RAPGEF1: variants seen among roughly 807,000 people sequenced by gnomAD.
RAPGEF1 encodes the protein Rap guanine nucleotide exchange factor 1.
In RAPGEF1, 33 loss-of-function variants were observed where a neutral mutation model predicts 143.3. The ratio of observed to expected loss-of-function variants is 0.23; its 90% CI spans 0.17 to 0.31. The LOEUF (loss-of-function observed/expected upper bound fraction) is 0.31, where lower values mean the gene tolerates loss of function less well. RAPGEF1 is among the 10% of genes least tolerant of loss of function. RAPGEF1 has a pLI of 1.00. For missense variants in RAPGEF1, 1,199 were observed against 1,645.4 expected (o/e 0.73, Z 4.69); for synonymous variants, 629 against 676.5 (o/e 0.93, Z 1.09).
intron 4 of RAPGEF1, among the ~76,000 whole-genome samples, chr9:131,642,262 C>A (rs1015967797): frequency 1.3e-5 from 2 of 152,238 alleles, no homozygotes; most frequent in East Asian, 1.9e-4. Flanking sequence ...GGCTCCATGT[C>A]CCCTGCAGCG....
At chr9:131,737,470 A>T in intron 1 of RAPGEF1, 1 of 1,613,822 alleles carries the variant, frequency 6.2e-7, no homozygotes, top group Non-Finnish European at 8.5e-7. Flanking sequence ...GTGCTAGGTT[A>T]GACAAGCTTC....
At chr9:131,676,924 CA>C (rs1377160046) in intron 1 of RAPGEF1, among the ~76,000 whole-genome samples, 2 of 146,370 alleles carry the variant, frequency 1.4e-5, no homozygotes, top group African/African-American at 5.1e-5. Flanking sequence ...CAGAAGCAGA[CA>C]CTCTGGGGGT....
intron 12 of RAPGEF1, among the ~76,000 whole-genome samples, chr9:131,609,338 T>C (rs1001941582): frequency 2.0e-5 from 3 of 152,182 alleles, no homozygotes; most frequent in Admixed American, 6.5e-5. Flanking sequence ...ACGTGCCTAA[T>C]AACACAGCTG....
At chr9:131,669,637 C>T (rs1831027490) in intron 1 of RAPGEF1, among the ~76,000 whole-genome samples, 1 of 152,134 alleles carries the variant, frequency 6.6e-6, no homozygotes, top group African/African-American at 2.4e-5. Flanking sequence ...CTTTCTCCTC[C>T]TCATGTTCTG....
At chr9:131,643,815 CA>C (rs1968752901) in intron 3 of RAPGEF1, among the ~76,000 whole-genome samples, 1 of 152,162 alleles carries the variant, frequency 6.6e-6, no homozygotes, top group Non-Finnish European at 1.5e-5. Flanking sequence ...TCCTGTAAAT[CA>C]CATCAAGAAG....
intron 22 of RAPGEF1, 91 bp downstream of exon 22, chr9:131,587,645 A>G (rs1462231767): frequency 8.5e-7 from 1 of 1,182,114 alleles, no homozygotes; most frequent in Non-Finnish European, 1.2e-6. Flanking sequence ...TCCTTCTCCT[A>G]CCATTCAAGC....
rs1365455017 is a variant in RAPGEF1, at chr9:131,584,679, A to G, written c.3234-83T>C. 2.9e-6 allele frequency: 4 copies of G among 1,402,408 alleles called. No homozygotes were observed. In the African/African-American group the frequency reaches 5.7e-5, roughly 20 times the overall value. The allele number at this position is 1,402,408 out of a possible 1,614,324, so 86.9% of individuals were successfully genotyped here. Reference sequence around the variant, plus strand: ...GGGTCCTGGTGGAGACAGGACCTGTACGACCCCCATGCCAGTGGCCACGAG... The same window carrying G: ...GGGTCCTGGTGGAGACAGGACCTGTGCGACCCCCATGCCAGTGGCCACGAG... On this transcript the variant is annotated intron_variant, in intron 22 of 26. Transcript: ENST00000683357. This position sits in a 1 kb window ranked among gnomAD's most constrained non-coding sequence, Gnocchi z 6.8.
rs1951293651 is a variant in RAPGEF1 at position 131,576,996 on chromosome 9, C to T, written c.*2501G>A. 6.6e-6 allele frequency: 1 copy of T among 151,836 alleles called. No homozygotes were observed. Among genetic ancestry groups the T allele is most frequent in the Non-Finnish European group, 1.5e-5 (1 of 67,938 alleles). 9.4% of individuals were successfully genotyped at this position (151,836 alleles called of 1,614,324 possible). A position where few individuals can be genotyped will look rare whatever the true frequency, so the allele number is the denominator to read the frequency against. ...TCCTTGCCCCCCCACACCCCGACAC[C>T]TGCAGGTGAGGACTGACCTCTGCAA... On this transcript the variant is annotated 3_prime_UTR_variant, in exon 27 of 27. Transcript: ENST00000683357.
In RAPGEF1 at chr9:131,596,269, C is replaced by A; in HGVS notation, c.2689+29G>T. The A allele has an allele frequency of 1.9e-6, 3 of 1,611,064 alleles. 1 individual carries two copies. The South Asian group carries it at 3.3e-5, about 18-fold the overall frequency. On this transcript the variant is annotated intron_variant, in intron 17 of 26. Coordinates refer to ENST00000683357, the MANE Select transcript of RAPGEF1 (RefSeq NM_001377935.1). Reference sequence around the variant, plus strand: ...AGTGGCACCCGGGGCAGGACCAGCCCCAATCTAGTGAGCTCACTGACACCC... The same window carrying A: ...AGTGGCACCCGGGGCAGGACCAGCCACAATCTAGTGAGCTCACTGACACCC...
At chr9:131,711,600 C>T (rs185654630) in intron 1 of RAPGEF1, among the ~76,000 whole-genome samples, 9 of 152,284 alleles carry the variant, frequency 5.9e-5, no homozygotes, top group East Asian at 1.9e-4. Flanking sequence ...TCAAGTGATC[C>T]GCCCGCCTCG....
chr9:131,626,531 A>C, intron 9 of RAPGEF1, 109 bp from the exon 10 acceptor site: 2 of 1,105,730 alleles, frequency 1.8e-6, no homozygotes, highest in Non-Finnish European at 2.5e-6. Flanking sequence ...TGTGACAAAG[A>C]CCTGTCTCCA....
intron 14 of RAPGEF1, among the ~76,000 whole-genome samples, chr9:131,602,986 C>T (rs922712794): frequency 2.6e-5 from 4 of 152,266 alleles, no homozygotes; most frequent in African/African-American, 9.6e-5. Context: ...TGCACGTGGA[C>T]TTCACCATGG....
chr9:131,623,987 C>G (rs1279318779), intron 10 of RAPGEF1, among the ~76,000 whole-genome samples: 1 of 152,190 alleles, frequency 6.6e-6, no homozygotes, highest in East Asian at 1.9e-4. Flanking sequence ...GGATGAGGCT[C>G]AGGGTGCCTA....
intron 22 of RAPGEF1, among the ~76,000 whole-genome samples, chr9:131,586,708 AC>A (rs1952981182): frequency 7.9e-6 from 1 of 126,306 alleles, no homozygotes; most frequent in South Asian, 2.8e-4. Flanking sequence ...ACACACACAC[AC>A]CTGCAGAGCG....
chr9:131,735,019 G>C (rs944758339), intron 1 of RAPGEF1, among the ~76,000 whole-genome samples: 1 of 152,204 alleles, frequency 6.6e-6, no homozygotes, highest in Admixed American at 6.5e-5. Flanking sequence ...CCTGTGGTTC[G>C]CTGGGAGCAC....
At chr9:131,594,650 T>G (rs1483348452) in intron 17 of RAPGEF1, among the ~76,000 whole-genome samples, 3 of 152,218 alleles carry the variant, frequency 2.0e-5, no homozygotes, top group Non-Finnish European at 4.4e-5. Context: ...GAGCCATGGC[T>G]TCTGCCTCAG....
At chr9:131,678,091 T>C (rs1832585476) in intron 1 of RAPGEF1, among the ~76,000 whole-genome samples, 1 of 152,192 alleles carries the variant, frequency 6.6e-6, no homozygotes, top group Non-Finnish European at 1.5e-5. Context: ...TGTGCAAAGT[T>C]ACAAAGCAAT....
intron 3 of RAPGEF1, among the ~76,000 whole-genome samples, chr9:131,646,555 G>A (rs1969692711): frequency 6.6e-6 from 1 of 152,158 alleles, no homozygotes; most frequent in South Asian, 2.1e-4. Context: ...AGAGGGTGAG[G>A]AAAACTGGCC....
rs1320038518 is a variant in RAPGEF1 at position 131,641,666 on chromosome 9, T to C, written c.494+1573A>G. On this transcript the variant is annotated intron_variant, in intron 4 of 26. Coordinates refer to ENST00000683357, the MANE Select transcript of RAPGEF1 (RefSeq NM_001377935.1). This position sits in a 1 kb window ranked among gnomAD's most constrained non-coding sequence, Gnocchi z 4.6. ...AAAACATGTTCTAAGAGGGAATCCATACATCTCGCTGTGGCATGACGTCAG... is the reference window on the plus strand; with the variant it reads ...AAAACATGTTCTAAGAGGGAATCCACACATCTCGCTGTGGCATGACGTCAG... Among the ~76,000 whole-genome samples, 1 of 152,218 alleles carries C rather than the reference T, an allele frequency of 6.6e-6. No individual in the cohort carries two copies. The highest frequency in any genetic ancestry group is 1.5e-5 in the Non-Finnish European group (1 of 68,040).
Sources: allele counts gnomAD v4.1 joint callset (sites outside exome capture counted in the v4.1 genomes callset), GRCh38; gene constraint gnomAD v4.1.1; non-coding constraint Gnocchi (gnomAD v3.1); transcripts MANE v1.5; gene names NCBI Gene and HGNC (gene_info 2026-07-23, HGNC 2026-07-21).